The following COL5A2 variants were observed in gnomAD, a reference collection of about 807,000 sequenced individuals.
The protein encoded by COL5A2 is collagen alpha-2(V) chain.
A neutral mutation model predicts 208.2 loss-of-function variants in COL5A2; 23 were observed. The ratio of observed to expected loss-of-function variants is 0.11; its 90% CI spans 0.08 to 0.16. The LOEUF is 0.16. Among genes scored for constraint, COL5A2 ranks in the 10% least tolerant of loss-of-function variants. The pLI is 1.00. For missense variants in COL5A2, 1,590 were observed against 1,956.4 expected, an observed-to-expected ratio of 0.81 and a Z score of 3.53; for synonymous variants, 625 against 628.5, an observed-to-expected ratio of 0.99 and a Z score of 0.08.
chr2:189,152,922 G>C (rs1187816189), intron 1 of COL5A2, among the ~76,000 whole-genome samples: 1 of 152,082 alleles, frequency 6.6e-6, no homozygotes, highest in East Asian at 1.9e-4. Flanking sequence ...AGTCTGCACT[G>C]TAAAATCAAC....
chr2:189,079,980 T>G lies in COL5A2; in HGVS notation c.958A>C (p.Lys320Gln). The G allele has an allele frequency of 6.2e-7, 1 of 1,612,160 alleles. No homozygotes were observed. The highest frequency in any genetic ancestry group is 8.5e-7 in the Non-Finnish European group (1 of 1,178,342). Reference sequence around the variant, plus strand: ...CAGTGAGATAATTATAAGATTACCTTGGAACCAGGTGCTCCAACTTCACCT... The same window carrying G: ...CAGTGAGATAATTATAAGATTACCTGGGAACCAGGTGCTCCAACTTCACCT... The part of the protein sequence containing the change: ...PKGEVGAPGS[K>Q]GEAGPTGPMG... Residue 320 changes from lysine to glutamine, a missense_variant and splice_region_variant, in exon 14 of 54, where the codon AAG becomes CAG. Physicochemically the swap from Lys to Gln is moderately conservative, Grantham distance 53. Coordinates refer to ENST00000374866, the MANE Select transcript of COL5A2 (RefSeq NM_000393.5).
chr2:189,292,209 C>G, the COL5A2 span, among the ~76,000 whole-genome samples: 1 of 151,962 alleles, frequency 6.6e-6, no homozygotes, highest in Non-Finnish European at 1.5e-5. Flanking sequence ...TATGGAAGAC[C>G]GCAGCTTATT....
chr2:189,431,461 G>C, the COL5A2 span, among the ~76,000 whole-genome samples: 1 of 152,118 alleles, frequency 6.6e-6, no homozygotes, highest in East Asian at 1.9e-4. Flanking sequence ...AAGGTTAGTT[G>C]AATGGCTAAC....
chr2:189,178,165 T>C (rs1224410883), intron 1 of COL5A2, among the ~76,000 whole-genome samples: 2 of 152,168 alleles, frequency 1.3e-5, no homozygotes, highest in Non-Finnish European at 2.9e-5. Flanking sequence ...AATTACCTCA[T>C]ATTTTAAAAA....
Position 189,092,963 on chromosome 2 carries a change from A to G in COL5A2, c.457-543T>C, listed in dbSNP as rs150548069. ...TACATACTAGACACTCAATACATGC[A>G]TATTATATTGTTACCTTTCAGTCCT... is the stretch of plus-strand genomic sequence containing the variant. On this transcript the variant is annotated intron_variant, in intron 6 of 53. Coordinates refer to ENST00000374866, the MANE Select transcript of COL5A2 (RefSeq NM_000393.5). Among the ~76,000 whole-genome samples, 628 of 152,284 alleles carry G rather than the reference A, an allele frequency of 4.1e-3. 3 individuals are homozygous for G. The highest frequency in any genetic ancestry group is 0.014 in the African/African-American group (589 of 41,550).
At chr2:189,181,860 C>A (rs1032274966), upstream of COL5A2, among the ~76,000 whole-genome samples, 2 of 152,176 alleles carry the variant, frequency 1.3e-5, no homozygotes, top group Non-Finnish European at 2.9e-5. Flanking sequence ...AACCACCATG[C>A]AGTCTCTCAT....
At chr2:189,064,918 AGGCCAT>A in intron 24 of COL5A2, 80 bp downstream of exon 24, 1 of 1,274,744 alleles carries the variant, frequency 7.8e-7, no homozygotes, top group African/African-American at 1.5e-5. Flanking sequence ...GAGCCCATGC[AGGCCAT>A]AGCTAGATCA....
At chr2:189,134,615 T>C (rs1353059841) in intron 1 of COL5A2, among the ~76,000 whole-genome samples, 10 of 152,082 alleles carry the variant, frequency 6.6e-5, no homozygotes. Flanking sequence ...AAGTACATCA[T>C]TGTCAACAGT....
In COL5A2 at chr2:189,172,682, A is replaced by G. The variant is rs1688593251; in HGVS notation, c.97+6826T>C. Among the ~76,000 whole-genome samples, 4 of 152,154 alleles carry G rather than the reference A, an allele frequency of 2.6e-5. No homozygotes were observed. In the South Asian group the frequency reaches 8.3e-4, roughly 31 times the overall value. ...AGCTTTATTATACTTGTTATACTAC[A>G]TAGACTACAACGAGGCTATGATGCT... On this transcript the variant is annotated intron_variant, in intron 1 of 53. Transcript: ENST00000374866.
At chr2:189,068,957 T>C in intron 18 of COL5A2, 73 bp from the exon 19 acceptor site, 1 of 1,091,068 alleles carries the variant, frequency 9.2e-7, no homozygotes, top group Non-Finnish European at 1.4e-6. Flanking sequence ...TGACCGCTTA[T>C]TTGGAATTTT....
At chr2:189,245,209 T>A in the COL5A2 span, among the ~76,000 whole-genome samples, 1 of 152,160 alleles carries the variant, frequency 6.6e-6, no homozygotes, top group Non-Finnish European at 1.5e-5. Flanking sequence ...CCAGGTTTCT[T>A]GAGAGCAGTG....
intron 1 of COL5A2, among the ~76,000 whole-genome samples, chr2:189,185,488 G>A (rs1020857215): frequency 6.6e-6 from 1 of 152,172 alleles, no homozygotes; most frequent in Admixed American, 6.5e-5. Flanking sequence ...AAAGATTCAG[G>A]ATGTATTTTG....
In COL5A2 at chr2:189,097,345, G is replaced by C. The variant is rs376897223; in HGVS notation, c.403-15C>G. Reference sequence around the variant, plus strand: ...CCTGGAGGTCCCTAAAACAGAAAATGATGATTATGCATGCAAAAATGTATA... The same window carrying C: ...CCTGGAGGTCCCTAAAACAGAAAATCATGATTATGCATGCAAAAATGTATA... On this transcript the variant is annotated splice_polypyrimidine_tract_variant and intron_variant, in intron 5 of 53. Transcript: ENST00000374866. 2 of 1,613,684 alleles carry C rather than the reference G, an allele frequency of 1.2e-6. No homozygotes were observed. Among genetic ancestry groups the C allele is most frequent in the African/African-American group, 2.7e-5 (2 of 75,014 alleles).
chr2:189,436,299 C>T, the COL5A2 span, among the ~76,000 whole-genome samples: 3 of 152,144 alleles, frequency 2.0e-5, no homozygotes, highest in South Asian at 2.1e-4. Context: ...TCTAATTAAA[C>T]TAAAGAGCTT....
intron 1 of COL5A2, among the ~76,000 whole-genome samples, chr2:189,199,510 C>T (rs1018547197): frequency 2.0e-5 from 3 of 152,144 alleles, no homozygotes; most frequent in Non-Finnish European, 2.9e-5. Flanking sequence ...GGCATGGTCA[C>T]ACCCACTACA....
At chr2:189,281,475 T>C in the COL5A2 span, among the ~76,000 whole-genome samples, 1 of 152,214 alleles carries the variant, frequency 6.6e-6, no homozygotes, top group Non-Finnish European at 1.5e-5. Context: ...TTACTGGATA[T>C]TTAACAGACA....
intron 52 of COL5A2, among the ~76,000 whole-genome samples, chr2:189,035,939 G>C (rs533810992): frequency 1.3e-5 from 2 of 152,128 alleles, no homozygotes; most frequent in South Asian, 2.1e-4. Flanking sequence ...GACCATGATA[G>C]AAACAGGGTA....
the COL5A2 span, among the ~76,000 whole-genome samples, chr2:189,281,860 C>G: frequency 6.6e-6 from 1 of 152,094 alleles, no homozygotes; most frequent in African/African-American, 2.4e-5. Flanking sequence ...GAGGCAGGCA[C>G]TGGAACCCTA....
rs1395703110 is a variant in COL5A2, at chr2:189,221,882, G to C, written c.-42+3266C>G. ...ATAATGCTGGAACCCCACTATAACT[G>C]CATTTCTACAGAATGGAGTTTTCTA... On this transcript the variant is annotated intron_variant, in intron 1 of 10. Coordinates refer to the COL5A2 transcript ENST00000649966. 2.6e-5 allele frequency among the ~76,000 whole-genome samples: 4 copies of C among 152,068 alleles called. No individual in the cohort carries two copies. The East Asian group carries it at 7.7e-4, about 29-fold the overall frequency.
Sources: allele counts gnomAD v4.1 joint callset (sites outside exome capture counted in the v4.1 genomes callset), GRCh38; gene constraint gnomAD v4.1.1; transcripts MANE v1.5; gene names NCBI Gene and HGNC (gene_info 2026-07-23, HGNC 2026-07-21).